TXNDC11: variants seen among roughly 807,000 people sequenced by gnomAD.
TXNDC11 encodes the protein thioredoxin domain containing 11, also known as thioredoxin domain-containing protein 11.
Under a neutral mutation model 78.0 loss-of-function variants are expected in TXNDC11, and 68 were observed. The observed-to-expected ratio is 0.87, with a 90% CI of 0.72 to 1.07. The LOEUF (loss-of-function observed/expected upper bound fraction) is 1.07, where lower values mean the gene tolerates loss of function less well. Among genes scored for constraint, TXNDC11 ranks in the 50% least tolerant of loss-of-function variants. The pLI is 0.00. For synonymous variants in TXNDC11, 571 were observed against 495.2 expected, an observed-to-expected ratio of 1.15 and a Z score of -2.03; for missense variants, 1,389 against 1,221.8, an observed-to-expected ratio of 1.14 and a Z score of -2.04.
Position 11,679,741 on chromosome 16 carries a change from G to T in TXNDC11, c.2331C>A (p.Pro777=). 1 of 1,614,202 alleles carries T rather than the reference G, an allele frequency of 6.2e-7. No homozygotes were observed. Residue 777 remains proline, a synonymous_variant, in exon 12 of 12, where the codon CCC becomes CCA. Coordinates refer to ENST00000283033, the MANE Select transcript of TXNDC11 (RefSeq NM_015914.7). This position sits in a 1 kb window ranked among gnomAD's most constrained non-coding sequence, Gnocchi z 4.6. ...TGGTAGGAGAGTTAGCCACATTCTG[G>T]GGGCTGGAAGCAGGGTCTGAGTGAT... ...ILHHSDPASS[P]QNVANSPTKE...
chr16:11,730,394 T>G (rs561034270), intron 4 of TXNDC11, among the ~76,000 whole-genome samples: 10 of 152,324 alleles, frequency 6.6e-5, no homozygotes, highest in Admixed American at 4.6e-4. Flanking sequence ...TAAGGCAAGA[T>G]GAAAATCTGT....
intron 4 of TXNDC11, among the ~76,000 whole-genome samples, chr16:11,727,154 C>G (rs1053548717): frequency 2.0e-5 from 3 of 152,144 alleles, no homozygotes; most frequent in African/African-American, 7.2e-5. Flanking sequence ...GTCCAAAATG[C>G]TCACAAATAT....
intron 3 of TXNDC11, 33 bp downstream of exon 3, chr16:11,733,949 T>C: frequency 6.8e-7 from 1 of 1,479,004 alleles, no homozygotes. Context: ...CAAACTAAAC[T>C]GGAATGAGAG....
At chr16:11,697,334 C>T (rs2050885785) in intron 7 of TXNDC11, among the ~76,000 whole-genome samples, 1 of 152,174 alleles carries the variant, frequency 6.6e-6, no homozygotes, top group South Asian at 2.1e-4. Context: ...GCCAGTGGTA[C>T]ACTGGCTGTC....
chr16:11,742,413 C>G, intron 1 of TXNDC11, 64 bp downstream of exon 1: 1 of 1,281,094 alleles, frequency 7.8e-7, no homozygotes, highest in East Asian at 3.2e-5. Flanking sequence ...CCCGGCCCTG[C>G]AGGCTCCAGG....
At chr16:11,706,385 G>C (rs1012373520) in intron 5 of TXNDC11, among the ~76,000 whole-genome samples, 1 of 152,192 alleles carries the variant, frequency 6.6e-6, no homozygotes, top group Non-Finnish European at 1.5e-5. Context: ...CTGAGCCCTG[G>C]GCCCTGTGAT....
chr16:11,696,011 G>C lies in TXNDC11; in HGVS notation c.1107+2114C>G, dbSNP rs2050848444. ...ACTGTACTCCAACCTGGGCAACAAAGGAAGACCCTAACTCAAAAAAAAAAA... is the reference window on the plus strand; with the variant it reads ...ACTGTACTCCAACCTGGGCAACAAACGAAGACCCTAACTCAAAAAAAAAAA... On this transcript the variant is annotated intron_variant, in intron 7 of 11. Transcript: ENST00000283033. Among the ~76,000 whole-genome samples, 6 of 149,902 alleles carry C rather than the reference G, an allele frequency of 4.0e-5. No individual in the cohort carries two copies. The South Asian group carries it at 1.0e-3, about 26-fold the overall frequency.
chr16:11,729,098 T>G (rs1003865975), intron 4 of TXNDC11, among the ~76,000 whole-genome samples: 26 of 152,194 alleles, frequency 1.7e-4, no homozygotes, highest in Admixed American at 1.7e-3. Flanking sequence ...CCATCCCGAG[T>G]GGCTCTGGCT....
At position 11,692,073 on chromosome 16, in the gene TXNDC11, C is replaced by T; in HGVS notation, c.1117G>A (p.Val373Met). ...SHPLIDEITE[V>M]ALEYNNCHGD... ...TGACAGTTGTTGTACTCCAAGGCCA[C>T]TTCGGTGATCTGAAATACAGGGCAG... is the stretch of plus-strand genomic sequence containing the variant. Residue 373 changes from valine to methionine, a missense_variant, in exon 8 of 12, where the codon GTG becomes ATG. Physicochemically the swap from Val to Met is conservative, Grantham distance 21. Transcript: ENST00000283033. 3 of 1,522,476 alleles carry T rather than the reference C, an allele frequency of 2.0e-6. No homozygotes were observed. The highest frequency in any genetic ancestry group is 2.6e-6 in the Non-Finnish European group (3 of 1,136,214). 94.3% of individuals were successfully genotyped at this position (1,522,476 alleles called of 1,614,324 possible). A position where few individuals can be genotyped will look rare whatever the true frequency, so the allele number is the denominator to read the frequency against.
intron 10 of TXNDC11, among the ~76,000 whole-genome samples, chr16:11,685,281 G>A (rs1407486377): frequency 6.6e-6 from 1 of 152,142 alleles, no homozygotes; most frequent in Non-Finnish European, 1.5e-5. Flanking sequence ...AACCTGGGAG[G>A]TTGGGGCTGC....
At chr16:11,689,662 T>C (rs2050658166) in intron 8 of TXNDC11, among the ~76,000 whole-genome samples, 1 of 152,158 alleles carries the variant, frequency 6.6e-6, no homozygotes, top group South Asian at 2.1e-4. Flanking sequence ...AAATTCAAAG[T>C]GAACACATTA....
rs1488722987 is a variant in TXNDC11, at chr16:11,691,645, A to C, written c.1545T>G (p.Gly515=). Residue 515 remains glycine (G), a synonymous_variant, in exon 8 of 12, where the codon GGT becomes GGG. Transcript: ENST00000283033. ...GTTCAGAGTCGATGAAGCCTGACACACCCCTGCTTATGGTCCTGCAACATG... is the reference window on the plus strand; with the variant it reads ...GTTCAGAGTCGATGAAGCCTGACACCCCCCTGCTTATGGTCCTGCAACATG... ...YTACCRTISR[G]VSGFIDSEQG... is the part of the protein sequence containing the mutation. 10 of 1,614,026 alleles carry C rather than the reference A, an allele frequency of 6.2e-6. No homozygotes were observed. Among genetic ancestry groups the C allele is most frequent in the Non-Finnish European group, 8.5e-6 (10 of 1,180,042 alleles).
chr16:11,686,279 G>T (rs951522914), intron 10 of TXNDC11, among the ~76,000 whole-genome samples: 1 of 152,176 alleles, frequency 6.6e-6, no homozygotes, highest in Non-Finnish European at 1.5e-5. Context: ...ATATTTTTAA[G>T]AAGAGTTGTC....
intron 5 of TXNDC11, among the ~76,000 whole-genome samples, chr16:11,705,238 T>C (rs1294560995): frequency 6.6e-6 from 1 of 152,164 alleles, no homozygotes; most frequent in African/African-American, 2.4e-5. Flanking sequence ...CACCTAACAA[T>C]TGGTTATGTA....
chr16:11,704,736 A>G (rs957943037), intron 5 of TXNDC11, among the ~76,000 whole-genome samples: 2 of 152,228 alleles, frequency 1.3e-5, no homozygotes, highest in Non-Finnish European at 2.9e-5. Context: ...AAGGACAAGG[A>G]AAGACAGAGG....
rs78537092 is a variant in TXNDC11, at chr16:11,736,967, T to A, written c.255-734A>T. 2.0e-3 allele frequency among the ~76,000 whole-genome samples: 308 copies of A among 152,242 alleles called. 2 individuals carry two copies. Among genetic ancestry groups the A allele is most frequent in the African/African-American group, 7.0e-3 (289 of 41,518 alleles). ...AAGACCTAAAGATCTAGGCCCAGGC[T>A]GCATCCCACCAAGTAGAAGGGCCCT... On this transcript the variant is annotated intron_variant, in intron 1 of 11. Transcript: ENST00000283033.
intron 10 of TXNDC11, among the ~76,000 whole-genome samples, chr16:11,685,335 A>C (rs1272357645): frequency 6.6e-6 from 1 of 152,070 alleles, no homozygotes; most frequent in Admixed American, 6.5e-5. Context: ...TGGGCAACAG[A>C]GTGAGACCCT....
chr16:11,700,090 A>G (rs2050969951), intron 6 of TXNDC11, among the ~76,000 whole-genome samples: 1 of 152,250 alleles, frequency 6.6e-6, no homozygotes, highest in Admixed American at 6.5e-5. Flanking sequence ...AGAAACAGAT[A>G]AACACAGAAC....
rs201231690 is a variant in TXNDC11, at chr16:11,679,753, A to C, written c.2319T>G (p.Pro773=). Residue 773 remains proline (P), a synonymous_variant, in exon 12 of 12, where the codon CCT becomes CCG. Transcript: ENST00000283033. This position sits in a 1 kb window ranked among gnomAD's most constrained non-coding sequence, Gnocchi z 4.6. The stretch of plus-strand genomic sequence containing the variant: ...TAGCCACATTCTGGGGGCTGGAAGC[A>C]GGGTCTGAGTGATGCAAAATGAACC... The part of the protein sequence containing the change: ...LLRFILHHSD[P]ASSPQNVANS... 118 of 1,614,050 alleles carry C rather than the reference A, an allele frequency of 7.3e-5. No individual in the cohort carries two copies. Among genetic ancestry groups the C allele is most frequent in the Non-Finnish European group, 9.1e-5 (107 of 1,180,022 alleles).
Sources: gnomAD v4.1 joint callset for allele counts (sites outside exome capture counted in the v4.1 genomes callset) on GRCh38, gnomAD v4.1.1 for gene constraint, Gnocchi (gnomAD v3.1) non-coding constraint, MANE v1.5 for transcripts, NCBI Gene and HGNC (gene_info 2026-07-23, HGNC 2026-07-21) for gene names.